AASS: variants seen among roughly 807,000 people sequenced by gnomAD.
AASS encodes the protein alpha-aminoadipic semialdehyde synthase, mitochondrial.
Under a neutral mutation model 105.4 loss-of-function variants are expected in AASS, and 86 were observed. The observed-to-expected ratio is 0.82, with a 90% CI of 0.69 to 0.98. The LOEUF is 0.98. Ranked by LOEUF, AASS falls within the 50% of genes least tolerant of loss-of-function variation. AASS has a pLI of 0.00. For synonymous variants in AASS, 381 were observed against 394.8 expected, an observed-to-expected ratio of 0.96 and a Z score of 0.41; for missense variants, 1,048 against 1,143.2, an observed-to-expected ratio of 0.92 and a Z score of 1.20.
In AASS at chr7:122,140,485, C is replaced by CAAAAAAAAAAAAAAAAAAAAAAA. The variant is rs57828681; in HGVS notation, c.-16+3653_-16+3675dup. ...TGGGCGACAGAGCGAGACTCAGTCT[C>CAAAAAAAAAAAAAAAAAAAAAAA]AAAAAAAAAAAAAAAAAAAAAAAGA... On this transcript the variant is annotated intron_variant, in intron 1 of 23. Coordinates refer to ENST00000417368, the MANE Select transcript of AASS (RefSeq NM_005763.4). Among the ~76,000 whole-genome samples, 36 of 37,328 alleles carry CAAAAAAAAAAAAAAAAAAAAAAA rather than the reference C, an allele frequency of 9.6e-4. 1 individual carries two copies. Among genetic ancestry groups the CAAAAAAAAAAAAAAAAAAAAAAA allele is most frequent in the South Asian group, 1.7e-3 (1 of 606 alleles). The allele number at this position is 37,328 out of a possible 152,430, so 24.5% of individuals were successfully genotyped here. A position where few individuals can be genotyped will look rare whatever the true frequency, so the allele number is the denominator to read the frequency against.
chr7:122,121,638 C>G (rs1795443727), intron 4 of AASS, among the ~76,000 whole-genome samples: 1 of 152,150 alleles, frequency 6.6e-6, no homozygotes, highest in Admixed American at 6.5e-5. Context: ...AAGCAATCAG[C>G]CTGCCCTGGA....
At position 122,113,145 on chromosome 7, in the gene AASS, G is replaced by A. The variant is rs1347651319; in HGVS notation, c.1251C>T (p.Asp417=). Residue 417 remains aspartate, a synonymous_variant, in exon 11 of 24, where the codon GAC becomes GAT. Coordinates refer to ENST00000417368, the MANE Select transcript of AASS (RefSeq NM_005763.4). ...LPIEATECFG[D]MLYPYVEEMI... ...TTTCTTCAACATAAGGGTAAAGCAT[G>A]TCTCCAAAGCATTCTGTAGCTTCAA... 1.9e-6 allele frequency: 3 copies of A among 1,613,848 alleles called. No individual in the cohort carries two copies. The highest frequency in any genetic ancestry group is 2.5e-6 in the Non-Finnish European group (3 of 1,179,916).
At chr7:122,104,251 A>G (rs1794561087) in intron 11 of AASS, among the ~76,000 whole-genome samples, 1 of 151,976 alleles carries the variant, frequency 6.6e-6, no homozygotes, top group South Asian at 2.1e-4. Flanking sequence ...GGTGAATTGG[A>G]TAAAGAAAAT....
intron 9 of AASS, 95 bp downstream of exon 9, chr7:122,114,979 A>G: frequency 6.5e-7 from 1 of 1,541,676 alleles, no homozygotes; most frequent in Non-Finnish European, 9.0e-7. Flanking sequence ...AGAAGTAGTC[A>G]TTAGAAATCA....
At position 122,108,763 on chromosome 7, in the gene AASS, A is replaced by C. The variant is rs1318295105; in HGVS notation, c.1278+4355T>G. On this transcript the variant is annotated intron_variant, in intron 11 of 23. Coordinates refer to ENST00000417368, the MANE Select transcript of AASS (RefSeq NM_005763.4). The stretch of plus-strand genomic sequence containing the variant: ...AGCTTTTTCTCTAAGATATGGAACA[A>C]GAAAAGGATGCTACTATTCAACATA... 2.0e-5 allele frequency among the ~76,000 whole-genome samples: 3 copies of C among 152,008 alleles called. No individual in the cohort carries two copies. The East Asian group carries it at 5.8e-4, about 29-fold the overall frequency.
intron 4 of AASS, 101 bp downstream of exon 4, chr7:122,126,274 G>T: frequency 2.0e-6 from 2 of 1,020,820 alleles, no homozygotes; most frequent in Non-Finnish European, 3.1e-6. Context: ...TTTTTCCATG[G>T]AAATAAACAC....
At chr7:122,129,697 G>GA (rs1303993330) in intron 2 of AASS, among the ~76,000 whole-genome samples, 160 bp from the exon 3 acceptor site, 1 of 152,124 alleles carries the variant, frequency 6.6e-6, no homozygotes. Flanking sequence ...GTTTGTACTT[G>GA]TTGGCTAAAG....
At chr7:122,133,893 G>A (rs1015024805) in intron 1 of AASS, 152 bp from the exon 2 acceptor site, 2 of 721,322 alleles carry the variant, frequency 2.8e-6, no homozygotes, top group East Asian at 2.6e-5. Context: ...GGGATGTCAA[G>A]TGTTCCTTTA....
intron 11 of AASS, among the ~76,000 whole-genome samples, chr7:122,109,529 T>C (rs1794832696): frequency 6.6e-6 from 1 of 151,714 alleles, no homozygotes; most frequent in African/African-American, 2.4e-5. Context: ...GAGAAAAGTG[T>C]CAAGAACAAA....
chr7:122,073,794 G>A lies in AASS; in HGVS notation c.*2695C>T, dbSNP rs116994810. On this transcript the variant is annotated 3_prime_UTR_variant, in exon 24 of 24. Coordinates refer to ENST00000417368, the MANE Select transcript of AASS (RefSeq NM_005763.4). Reference sequence around the variant, plus strand: ...ATCTGCCTTCTCTCTATATATATTCGCCTGTTCTGGACATTTCATATAAAT... The same window carrying A: ...ATCTGCCTTCTCTCTATATATATTCACCTGTTCTGGACATTTCATATAAAT... Among the ~76,000 whole-genome samples the A allele has an allele frequency of 1.1e-3, 165 of 152,014 alleles. No homozygotes were observed. Among genetic ancestry groups the A allele is most frequent in the South Asian group, 1.7e-3 (8 of 4,804 alleles).
At chr7:122,131,809 G>T (rs1795930223) in intron 2 of AASS, among the ~76,000 whole-genome samples, 1 of 152,080 alleles carries the variant, frequency 6.6e-6, no homozygotes, top group Non-Finnish European at 1.5e-5. Flanking sequence ...GGCAGGAAAG[G>T]TACAAGGTGA....
At chr7:122,084,646 A>T (rs574806321) in intron 19 of AASS, among the ~76,000 whole-genome samples, 20 of 152,240 alleles carry the variant, frequency 1.3e-4, no homozygotes, top group African/African-American at 4.8e-4. Flanking sequence ...AGAAAAGAAT[A>T]AAGCCCGAAG....
chr7:122,099,782 AATAAAT>A (rs147255623), intron 13 of AASS, among the ~76,000 whole-genome samples: 15,615 of 151,836 alleles, frequency 0.1, 1,106 homozygotes, highest in African/African-American at 0.2. Context: ...AACAAATAAA[AATAAAT>A]ATAAGTATAA....
intron 4 of AASS, among the ~76,000 whole-genome samples, chr7:122,122,061 T>C (rs1422647425): frequency 1.3e-5 from 2 of 152,236 alleles, no homozygotes; most frequent in East Asian, 3.8e-4. Context: ...TCTATGTATA[T>C]GGTTCCCTTT....
chr7:122,098,455 G>A lies in AASS; in HGVS notation c.1650C>T (p.Val550=), dbSNP rs1794271041. 12 of 1,611,866 alleles carry A rather than the reference G, an allele frequency of 7.4e-6. No individual in the cohort carries two copies. Among genetic ancestry groups the A allele is most frequent in the Non-Finnish European group, 8.5e-6 (10 of 1,178,674 alleles). The stretch of plus-strand genomic sequence containing the variant: ...ATTTCTTGCCAGATACTGACCTGAT[G>A]ACAAGATCCTGTTTTGCCACCAAGA... ...LGFLVAKQDL[V]ISLLPYVLHP... The change falls in exon 15 of 24, where the codon GTC becomes GTT. Residue 550 remains valine, a synonymous_variant. Coordinates refer to ENST00000417368, the MANE Select transcript of AASS (RefSeq NM_005763.4).
chr7:122,089,124 C>T (rs755272358), intron 18 of AASS, among the ~76,000 whole-genome samples: 4 of 152,012 alleles, frequency 2.6e-5, no homozygotes, highest in Non-Finnish European at 5.9e-5. Context: ...AGACCCGCTC[C>T]ACAGTGGAGG....
At chr7:122,099,777 A>G (rs1265891730) in intron 13 of AASS, among the ~76,000 whole-genome samples, 1 of 148,666 alleles carries the variant, frequency 6.7e-6, no homozygotes, top group Non-Finnish European at 1.5e-5. Flanking sequence ...TTTTTAACAA[A>G]TAAAAATAAA....
chr7:122,100,976 A>C (rs552479910), intron 13 of AASS, among the ~76,000 whole-genome samples: 1 of 151,972 alleles, frequency 6.6e-6, no homozygotes, highest in South Asian at 2.1e-4. Flanking sequence ...AGAGAGTCCA[A>C]ATCCTCAACT....
At chr7:122,099,526 C>T (rs929840430) in intron 13 of AASS, among the ~76,000 whole-genome samples, 3 of 151,820 alleles carry the variant, frequency 2.0e-5, no homozygotes, top group African/African-American at 7.2e-5. Context: ...CTGTCTTTCC[C>T]ACAAACTATG....
Sources: allele counts gnomAD v4.1 joint callset (sites outside exome capture counted in the v4.1 genomes callset), GRCh38; gene constraint gnomAD v4.1.1; transcripts MANE v1.5; gene names NCBI Gene and HGNC (gene_info 2026-07-23, HGNC 2026-07-21).